Variants in ASXL2 observed in about 807,000 individuals in gnomAD.
ASXL2 encodes the protein ASXL transcriptional regulator 2, also known as putative Polycomb group protein ASXL2.
ASXL2 carries 23 observed loss-of-function variants against 122.0 expected under a neutral mutation model. The observed-to-expected ratio is 0.19, with a 90% CI of 0.14 to 0.27. The LOEUF is 0.27. ASXL2 is among the 10% of genes least tolerant of loss of function. The pLI is 1.00. For missense variants in ASXL2, 1,518 were observed against 1,713.8 expected (o/e 0.89, Z 2.02); for synonymous variants, 650 against 637.0 (o/e 1.02, Z -0.31).
At chr2:25,753,216 C>T (rs1274903137) in intron 11 of ASXL2, among the ~76,000 whole-genome samples, 3 of 141,822 alleles carry the variant, frequency 2.1e-5, no homozygotes, top group Non-Finnish European at 3.1e-5. Context: ...GAGTTCGCCT[C>T]GGCCTCCCAA....
At chr2:25,847,562 T>A (rs2089663115) in intron 1 of ASXL2, among the ~76,000 whole-genome samples, 1 of 152,236 alleles carries the variant, frequency 6.6e-6, no homozygotes, top group African/African-American at 2.4e-5. Flanking sequence ...AAACTTTAGA[T>A]GTCCAAAGTT....
chr2:25,801,364 A>G (rs1369510063), intron 4 of ASXL2, among the ~76,000 whole-genome samples: 8 of 152,244 alleles, frequency 5.3e-5, no homozygotes, highest in Non-Finnish European at 1.2e-4. Flanking sequence ...ACCCTCCTAC[A>G]TAAAACTGAC....
At chr2:25,837,726 T>G (rs1390412191) in intron 2 of ASXL2, among the ~76,000 whole-genome samples, 1 of 151,986 alleles carries the variant, frequency 6.6e-6, no homozygotes, top group African/African-American at 2.4e-5. Flanking sequence ...GGTGTGTGCC[T>G]GTGGTTCCAG....
chr2:25,843,814 T>TAAAAAAAAAAAAAAAA (rs541446675), intron 2 of ASXL2, among the ~76,000 whole-genome samples: 2 of 86,542 alleles, frequency 2.3e-5, no homozygotes, highest in Admixed American at 1.3e-4. Flanking sequence ...CTCCATCTCT[T>TAAAAAAAAAAAAAAAA]AAAAAAAAAA....
chr2:25,799,442 T>C lies in ASXL2; in HGVS notation c.346A>G (p.Ser116Gly), dbSNP rs1448579281. The C allele has an allele frequency of 2.5e-6, 4 of 1,614,026 alleles. No individual in the cohort carries two copies. Among genetic ancestry groups the C allele is most frequent in the Non-Finnish European group, 3.4e-6 (4 of 1,179,872 alleles). Residue 116 changes from serine to glycine, a missense_variant, in exon 5 of 13, where the codon AGC (serine) becomes GGC (glycine). Transcript: ENST00000435504. ...SDSQSSENSSSSSDGGSNKEG... is the reference protein window; with the variant it reads ...SDSQSSENSSGSSDGGSNKEG... ...TTGTTGCTGCCACCATCACTGCTGCTGCTGCTGTTCTCAGAACTCTGGGAA... is the reference window on the plus strand; with the variant it reads ...TTGTTGCTGCCACCATCACTGCTGCCGCTGCTGTTCTCAGAACTCTGGGAA...
At chr2:25,821,832 TAG>T (rs1161475119) in intron 3 of ASXL2, among the ~76,000 whole-genome samples, 1 of 152,238 alleles carries the variant, frequency 6.6e-6, no homozygotes, top group East Asian at 1.9e-4. Flanking sequence ...CTGCTTTATT[TAG>T]AGTGTTCATC....
intron 12 of ASXL2, among the ~76,000 whole-genome samples, chr2:25,745,576 A>G (rs1024847330): frequency 1.3e-5 from 2 of 151,298 alleles, no homozygotes; most frequent in Non-Finnish European, 2.9e-5. Context: ...AAAAAAAAAA[A>G]AAGTTTCTAA....
In ASXL2 at chr2:25,849,101, A is replaced by C. The variant is rs151105920; in HGVS notation, c.58-3538T>G. Among the ~76,000 whole-genome samples, 328 of 142,744 alleles carry C rather than the reference A, an allele frequency of 2.3e-3. 3 individuals carry two copies. Among genetic ancestry groups the C allele is most frequent in the African/African-American group, 8.1e-3 (306 of 37,808 alleles). The allele number at this position is 142,744 out of a possible 152,430, so 93.6% of individuals were successfully genotyped here. On this transcript the variant is annotated intron_variant, in intron 1 of 12. Transcript: ENST00000435504. ...TGGAATATTTATTTTCTTTTAAAAA[A>C]ATGTTTATCACAGTTTCCTTTAAAT...
intron 1 of ASXL2, among the ~76,000 whole-genome samples, chr2:25,875,701 T>C (rs1200208680): frequency 6.6e-6 from 1 of 152,118 alleles, no homozygotes; most frequent in Non-Finnish European, 1.5e-5. Flanking sequence ...ATGATAGCTC[T>C]ACAATGGAGG....
rs769817520 is a variant in ASXL2, at chr2:25,742,293, G to A, written c.4044C>T (p.Ser1348=). 5 of 1,613,928 alleles carry A rather than the reference G, an allele frequency of 3.1e-6. No individual in the cohort carries two copies. The highest frequency in any genetic ancestry group is 4.2e-6 in the Non-Finnish European group (5 of 1,179,882). The change falls in exon 13 of 13, where the codon AGC becomes AGT. Residue 1348 remains serine, a synonymous_variant. Coordinates refer to ENST00000435504, the MANE Select transcript of ASXL2 (RefSeq NM_018263.6). ...DMDHNSAVPG[S]QVSSNVGDVM... is the part of the protein sequence containing the mutation. ...CATCACCTACATTGCTAGATACCTG[G>A]CTACCTGGTACAGCAGAGTTATGGT...
At chr2:25,875,096 A>C (rs561572114) in intron 1 of ASXL2, among the ~76,000 whole-genome samples, 1 of 152,276 alleles carries the variant, frequency 6.6e-6, no homozygotes, top group South Asian at 2.1e-4. Flanking sequence ...AGAAAAAGTA[A>C]AACATGTGAA....
chr2:25,749,837 G>A lies in ASXL2; in HGVS notation c.1719C>T (p.Thr573=). 6.2e-7 allele frequency: 1 copy of A among 1,610,158 alleles called. No homozygotes were observed. The highest frequency in any genetic ancestry group is 8.5e-7 in the Non-Finnish European group (1 of 1,178,864). ...PESLKRKSSL[T]QEEAPVSWEK... ...CCCAGCTCACAGGGGCCTCTTCTTG[G>A]GTGAGGGAAGACTTCCTCTTGAGGC... is the stretch of plus-strand genomic sequence containing the variant. Residue 573 remains threonine (T), a synonymous_variant, in exon 12 of 13, where the codon ACC becomes ACT. Coordinates refer to ENST00000435504, the MANE Select transcript of ASXL2 (RefSeq NM_018263.6).
At chr2:25,789,070 A>G (rs1474247667) in intron 5 of ASXL2, among the ~76,000 whole-genome samples, 1 of 152,112 alleles carries the variant, frequency 6.6e-6, no homozygotes, top group Non-Finnish European at 1.5e-5. Context: ...CAGTTTCCAC[A>G]TGTCCCCTCT....
At chr2:25,846,182 A>T (rs2149193581) in intron 1 of ASXL2, among the ~76,000 whole-genome samples, 2 of 152,386 alleles carry the variant, frequency 1.3e-5, no homozygotes, top group East Asian at 3.9e-4. Context: ...TCTGAGGCAC[A>T]GTAAAGAGGG....
intron 1 of ASXL2, among the ~76,000 whole-genome samples, chr2:25,855,364 G>A (rs1426542187): frequency 6.6e-6 from 1 of 152,038 alleles, no homozygotes; most frequent in East Asian, 1.9e-4. Flanking sequence ...TGGGAAACAT[G>A]GTGAAACTCT....
In ASXL2 at chr2:25,743,114, G is replaced by A. The variant is rs200946888; in HGVS notation, c.3223C>T (p.Arg1075Trp). 1.7e-4 allele frequency: 276 copies of A among 1,613,848 alleles called. No homozygotes were observed. The highest frequency in any genetic ancestry group is 2.1e-4 in the Non-Finnish European group (251 of 1,179,902). Residue 1075 changes from arginine to tryptophan, a missense_variant, in exon 13 of 13, where the codon CGG becomes TGG. Transcript: ENST00000435504. ...QILQTLIQRV[R>W]RQNLLSVVPP... ...ACAACTGAGAGAAGATTCTGCCTCC[G>A]AACCCTCTGAATGAGAGTCTGAAGG...
chr2:25,740,658 A>G lies in ASXL2; in HGVS notation c.*1371T>C. The stretch of plus-strand genomic sequence containing the variant: ...AAGGAAACAAGAAAGAAAAAGAAAC[A>G]AAAACAAGCAACCAAAAAACCTTTA... On this transcript the variant is annotated 3_prime_UTR_variant, in exon 13 of 13. Coordinates refer to ENST00000435504, the MANE Select transcript of ASXL2 (RefSeq NM_018263.6). The G allele has an allele frequency of 4.4e-6, 1 of 226,822 alleles. No homozygotes were observed. Among genetic ancestry groups the G allele is most frequent in the Non-Finnish European group, 8.8e-6 (1 of 114,076 alleles). 14.1% of individuals were successfully genotyped at this position (226,822 alleles called of 1,614,324 possible).
At chr2:25,800,605 G>A (rs1237174222) in intron 4 of ASXL2, among the ~76,000 whole-genome samples, 3 of 152,162 alleles carry the variant, frequency 2.0e-5, no homozygotes, top group Non-Finnish European at 4.4e-5. Context: ...GGATAACTAC[G>A]TCAGCTTAGC....
chr2:25,759,787 T>A, intron 8 of ASXL2, 142 bp from the exon 9 acceptor site: 1 of 837,014 alleles, frequency 1.2e-6, no homozygotes, highest in Non-Finnish European at 1.8e-6. Context: ...CTTAAGATCT[T>A]AGAATTTTCT....
Sources: gnomAD v4.1 joint callset for allele counts (sites outside exome capture counted in the v4.1 genomes callset) on GRCh38, gnomAD v4.1.1 for gene constraint, MANE v1.5 for transcripts, NCBI Gene and HGNC (gene_info 2026-07-23, HGNC 2026-07-21) for gene names.